Variants in TRAPPC9 observed in about 807,000 individuals in gnomAD.
TRAPPC9 encodes IKK2 binding protein.
In TRAPPC9, 83 loss-of-function variants were observed where a neutral mutation model predicts 124.0. The ratio of observed to expected loss-of-function variants is 0.67; its 90% CI spans 0.56 to 0.80. The LOEUF (loss-of-function observed/expected upper bound fraction) is 0.80. TRAPPC9 is among the 30% of genes least tolerant of loss of function. TRAPPC9 has a pLI of 0.00. For missense variants in TRAPPC9, 1,302 were observed against 1,508.3 expected, an observed-to-expected ratio of 0.86 and a Z score of 2.27; for synonymous variants, 638 against 617.5, an observed-to-expected ratio of 1.03 and a Z score of -0.49.
At chr8:140,221,908 A>G (rs2063346102) in intron 16 of TRAPPC9, among the ~76,000 whole-genome samples, 1 of 152,214 alleles carries the variant, frequency 6.6e-6, no homozygotes, top group Admixed American at 6.5e-5. Context: ...TGTGACTGTA[A>G]GGAGCATGCC....
intron 17 of TRAPPC9, among the ~76,000 whole-genome samples, chr8:140,109,953 C>T (rs1265062909): frequency 6.6e-6 from 1 of 152,134 alleles, no homozygotes; most frequent in East Asian, 1.9e-4. Flanking sequence ...GCTGAACATG[C>T]TCTGTATGCT....
intron 19 of TRAPPC9, among the ~76,000 whole-genome samples, chr8:139,978,219 A>G (rs1364956138): frequency 6.6e-6 from 1 of 152,172 alleles, no homozygotes; most frequent in Non-Finnish European, 1.5e-5. Flanking sequence ...CAACCGGCAG[A>G]ACCCCACCCT....
intron 17 of TRAPPC9, among the ~76,000 whole-genome samples, chr8:140,132,306 C>A (rs943038318): frequency 6.6e-6 from 1 of 152,198 alleles, no homozygotes; most frequent in Non-Finnish European, 1.5e-5. Context: ...GAGGAAAAGG[C>A]CATTAAAAAG....
chr8:139,851,378 T>C (rs1586985687), intron 21 of TRAPPC9, among the ~76,000 whole-genome samples: 1 of 152,298 alleles, frequency 6.6e-6, no homozygotes, highest in South Asian at 2.1e-4. Context: ...AAAAGATAGA[T>C]GCTGACCACA....
chr8:140,067,010 T>C (rs988713503), intron 17 of TRAPPC9, among the ~76,000 whole-genome samples: 1 of 152,230 alleles, frequency 6.6e-6, no homozygotes, highest in Non-Finnish European at 1.5e-5. Context: ...ACAGGAGTCT[T>C]GAATAGGGTA....
intron 7 of TRAPPC9, among the ~76,000 whole-genome samples, chr8:140,377,861 G>A (rs956270660): frequency 2.6e-5 from 4 of 152,102 alleles, no homozygotes; most frequent in Non-Finnish European, 5.9e-5. Context: ...TTGGGAAGCT[G>A]AGGCAGGTGA....
chr8:139,829,897 G>A (rs1383956237), intron 21 of TRAPPC9, among the ~76,000 whole-genome samples: 1 of 152,180 alleles, frequency 6.6e-6, no homozygotes, highest in Non-Finnish European at 1.5e-5. Flanking sequence ...TGACAGCGCT[G>A]GGGCTGGAAT....
chr8:140,259,033 G>A (rs1020901431), intron 15 of TRAPPC9, among the ~76,000 whole-genome samples: 7 of 152,208 alleles, frequency 4.6e-5, no homozygotes, highest in Non-Finnish European at 8.8e-5. Flanking sequence ...CCACCCCGCG[G>A]AGGAAGCAGC....
intron 2 of TRAPPC9, among the ~76,000 whole-genome samples, chr8:140,444,443 G>T (rs545374625): frequency 6.6e-6 from 1 of 152,202 alleles, no homozygotes; most frequent in East Asian, 1.9e-4. Flanking sequence ...CTGCCAGGAC[G>T]GAGGCGGTGA....
Position 139,745,021 on chromosome 8 carries a change from G to A in TRAPPC9, c.3056-12819C>T, listed in dbSNP as rs192897365. Among the ~76,000 whole-genome samples the A allele has an allele frequency of 4.2e-3, 641 of 152,334 alleles. 8 individuals are homozygous for A. Among genetic ancestry groups the A allele is most frequent in the African/African-American group, 0.015 (628 of 41,578 alleles). Reference sequence around the variant, plus strand: ...GACCCCGGGGATGTGCAGGAGGTGAGCTCCGGAGAGGAGAAGGACTTCCCT... The same window carrying A: ...GACCCCGGGGATGTGCAGGAGGTGAACTCCGGAGAGGAGAAGGACTTCCCT... On this transcript the variant is annotated intron_variant, in intron 21 of 22. Coordinates refer to ENST00000438773, the MANE Select transcript of TRAPPC9 (RefSeq NM_001160372.4).
chr8:140,443,299 G>A (rs1022490735), intron 2 of TRAPPC9, among the ~76,000 whole-genome samples: 2 of 151,768 alleles, frequency 1.3e-5, no homozygotes, highest in East Asian at 1.9e-4. Context: ...AGCCAGGCGT[G>A]GTGGTGGGCG....
At chr8:139,951,958 C>T (rs1173166569) in intron 19 of TRAPPC9, among the ~76,000 whole-genome samples, 1 of 152,228 alleles carries the variant, frequency 6.6e-6, no homozygotes, top group Non-Finnish European at 1.5e-5. Flanking sequence ...ACATTCCAAT[C>T]ATTTGCGCAT....
intron 19 of TRAPPC9, among the ~76,000 whole-genome samples, chr8:139,963,668 G>A (rs578049381): frequency 1.4e-5 from 2 of 141,020 alleles, no homozygotes; most frequent in African/African-American, 2.6e-5. Flanking sequence ...CAGCATACCT[G>A]CAAAGCCATT....
intron 17 of TRAPPC9, among the ~76,000 whole-genome samples, chr8:140,057,522 C>A (rs1300703905): frequency 6.6e-6 from 1 of 152,088 alleles, no homozygotes; most frequent in Non-Finnish European, 1.5e-5. Context: ...AAGAAGAAAC[C>A]CTGCCACATG....
At chr8:140,342,652 C>A (rs1477480195) in intron 9 of TRAPPC9, among the ~76,000 whole-genome samples, 2 of 152,120 alleles carry the variant, frequency 1.3e-5, no homozygotes, top group Admixed American at 6.5e-5. Flanking sequence ...CATACCTTCT[C>A]CCCAGCCCAG....
intron 17 of TRAPPC9, among the ~76,000 whole-genome samples, chr8:140,033,658 G>GTTTTTTTTTTTTTTTTTTGTTTTTTT (rs1840652211): frequency 2.4e-5 from 1 of 42,366 alleles, no homozygotes; most frequent in Non-Finnish European, 5.5e-5. Context: ...TCATAATGTG[G>GTTTTTTTTTTTTTTTTTTGTTTTTTT]TTTTTTTTTT....
At position 139,730,878 on chromosome 8, in the gene TRAPPC9, T is replaced by G. The variant is rs1042842144; in HGVS notation, c.*183A>C. The stretch of plus-strand genomic sequence containing the variant: ...CGTGGCATGGGGTGGGGCTGCCATG[T>G]CCGGGGCTTCTGCGTAGCCCAGCAA... On this transcript the variant is annotated 3_prime_UTR_variant, in exon 23 of 23. Coordinates refer to ENST00000438773, the MANE Select transcript of TRAPPC9 (RefSeq NM_001160372.4). 4 of 662,338 alleles carry G rather than the reference T, an allele frequency of 6.0e-6. No homozygotes were observed. The highest frequency in any genetic ancestry group is 1.0e-5 in the Non-Finnish European group (4 of 390,112). 41.0% of individuals were successfully genotyped at this position (662,338 alleles called of 1,614,324 possible).
At chr8:140,342,077 C>T (rs1490967071) in intron 9 of TRAPPC9, among the ~76,000 whole-genome samples, 4 of 152,278 alleles carry the variant, frequency 2.6e-5, no homozygotes, top group Admixed American at 6.5e-5. Flanking sequence ...TGCCATATTC[C>T]GGACCAGAAG....
intron 21 of TRAPPC9, among the ~76,000 whole-genome samples, chr8:139,757,696 G>A (rs576059787): frequency 1.3e-5 from 2 of 152,192 alleles, no homozygotes; most frequent in East Asian, 1.9e-4. Flanking sequence ...CACTTCTGAC[G>A]CCACTGGCCA....
Sources: allele counts gnomAD v4.1 joint callset (sites outside exome capture counted in the v4.1 genomes callset), GRCh38; gene constraint gnomAD v4.1.1; transcripts MANE v1.5; gene names NCBI Gene and HGNC (gene_info 2026-07-23, HGNC 2026-07-21).